The following MCCC1 variants were observed in gnomAD, a reference collection of about 807,000 sequenced individuals.
The protein encoded by MCCC1 is methylcrotonyl-CoA carboxylase subunit 1.
In MCCC1, 64 loss-of-function variants were observed where a neutral mutation model predicts 83.8. The ratio of observed to expected loss-of-function variants is 0.76; its 90% CI spans 0.62 to 0.94. The LOEUF is 0.94. Among genes scored for constraint, MCCC1 ranks in the 40% least tolerant of loss-of-function variants. The pLI is 0.00. For synonymous variants in MCCC1, 322 were observed against 315.4 expected, an observed-to-expected ratio of 1.02 and a Z score of -0.22; for missense variants, 807 against 904.7, an observed-to-expected ratio of 0.89 and a Z score of 1.39.
chr3:183,111,414 C>T (rs1335027928), intron 1 of MCCC1, among the ~76,000 whole-genome samples: 1 of 152,182 alleles, frequency 6.6e-6, no homozygotes, highest in Non-Finnish European at 1.5e-5. Context: ...ATTCTCCTGC[C>T]TCAGCCTCCC....
chr3:183,104,019 A>ACTC (rs1719366223), upstream of MCCC1, among the ~76,000 whole-genome samples: 1 of 152,068 alleles, frequency 6.6e-6, no homozygotes, highest in Admixed American at 6.5e-5. Flanking sequence ...CCGGGCCGGC[A>ACTC]GGGCCGGCCG....
chr3:183,097,471 C>T (rs192026988), intron 1 of MCCC1, among the ~76,000 whole-genome samples: 10 of 152,310 alleles, frequency 6.6e-5, no homozygotes, highest in East Asian at 1.9e-4. Flanking sequence ...TGGCTCACTA[C>T]GGCCTGGAAC....
rs1399603246 is a variant in MCCC1 at position 183,020,232 on chromosome 3, T to G, written c.1875A>C (p.Gly625=). The G allele has an allele frequency of 1.2e-6, 2 of 1,612,230 alleles. No individual in the cohort carries two copies. Among genetic ancestry groups the G allele is most frequent in the East Asian group, 4.5e-5 (2 of 44,866 alleles). ...ENTIYLFSKE[G]SIEIDIPVPK... is the part of the protein sequence containing the mutation. ...GGACTGGAATGTCAATCTCAATACT[T>G]CCTTCCTAGAAACAGAAAACAAACT... Residue 625 remains glycine (G), a synonymous_variant, in exon 17 of 19, where the codon GGA becomes GGC. Coordinates refer to ENST00000265594, the MANE Select transcript of MCCC1 (RefSeq NM_020166.5).
intron 11 of MCCC1, among the ~76,000 whole-genome samples, chr3:183,039,623 C>A (rs748056703): frequency 1.3e-4 from 20 of 152,152 alleles, no homozygotes; most frequent in Non-Finnish European, 2.4e-4. Flanking sequence ...AAACCAATGG[C>A]AGCTATCATC....
At chr3:183,033,000 G>A (rs944292271) in intron 14 of MCCC1, among the ~76,000 whole-genome samples, 7 of 152,162 alleles carry the variant, frequency 4.6e-5, no homozygotes, top group Non-Finnish European at 8.8e-5. Context: ...CTCTACCTGG[G>A]AGGCATATTT....
chr3:183,022,673 T>TA, intron 15 of MCCC1, 119 bp from the exon 16 acceptor site: 1 of 870,704 alleles, frequency 1.1e-6, no homozygotes, highest in South Asian at 1.8e-5. Context: ...CTTAAACATA[T>TA]ATAACATATA....
At chr3:183,090,683 G>C (rs961793891) in intron 3 of MCCC1, among the ~76,000 whole-genome samples, 1 of 151,818 alleles carries the variant, frequency 6.6e-6, no homozygotes, top group East Asian at 1.9e-4. Flanking sequence ...TCCGCCTCCC[G>C]GGTTCAAGCG....
At chr3:183,114,071 C>G (rs1576861626) in intron 1 of MCCC1, among the ~76,000 whole-genome samples, 1 of 152,174 alleles carries the variant, frequency 6.6e-6, no homozygotes, top group Admixed American at 6.5e-5. Flanking sequence ...CTTGTGCAAG[C>G]TGACTCCCAG....
intron 7 of MCCC1, among the ~76,000 whole-genome samples, chr3:183,058,524 A>C (rs1171774399): frequency 6.6e-6 from 1 of 152,130 alleles, no homozygotes; most frequent in East Asian, 1.9e-4. Context: ...CAGGAGGCTC[A>C]GGCAGGAGGA....
At chr3:183,085,417 C>A (rs998942923) in intron 4 of MCCC1, among the ~76,000 whole-genome samples, 2 of 151,900 alleles carry the variant, frequency 1.3e-5, no homozygotes, top group African/African-American at 4.8e-5. Flanking sequence ...ATCGCTTGAG[C>A]CTAGGAGTTC....
Position 183,019,462 on chromosome 3 carries a change from T to C in MCCC1, c.1977+668A>G, listed in dbSNP as rs144682346. On this transcript the variant is annotated intron_variant, in intron 17 of 18. Transcript: ENST00000265594. Reference sequence around the variant, plus strand: ...TGAAAGAGGCCTGAAGAGAGGTCCCTTGTCCCTTCCACCACGTGAGGACAC... The same window carrying C: ...TGAAAGAGGCCTGAAGAGAGGTCCCCTGTCCCTTCCACCACGTGAGGACAC... 4.5e-3 allele frequency among the ~76,000 whole-genome samples: 679 copies of C among 152,340 alleles called. 3 individuals are homozygous for C. The highest frequency in any genetic ancestry group is 0.016 in the African/African-American group (648 of 41,568).
At chr3:183,045,645 T>C in intron 9 of MCCC1, 105 bp from the exon 10 acceptor site, 2 of 1,172,676 alleles carry the variant, frequency 1.7e-6, no homozygotes, top group East Asian at 4.9e-5. Flanking sequence ...CTTCATTCAA[T>C]GGTAACACTT....
intron 4 of MCCC1, among the ~76,000 whole-genome samples, chr3:183,072,767 T>C (rs1283847223): frequency 3.9e-5 from 6 of 152,232 alleles, no homozygotes; most frequent in African/African-American, 1.2e-4. Context: ...TTCAGTGGCA[T>C]TAAGTACACT....
At chr3:183,072,105 T>A (rs556448540) in intron 5 of MCCC1, among the ~76,000 whole-genome samples, 44 of 152,030 alleles carry the variant, frequency 2.9e-4, no homozygotes, top group South Asian at 1.5e-3. Flanking sequence ...TGGGCTCAAG[T>A]GATCCTCCCA....
intron 1 of MCCC1, among the ~76,000 whole-genome samples, chr3:183,112,690 T>C (rs775445879): frequency 1.9e-4 from 29 of 152,306 alleles, no homozygotes; most frequent in East Asian, 7.7e-4. Context: ...TTTAATTTCA[T>C]CCATAAATAT....
intron 4 of MCCC1, among the ~76,000 whole-genome samples, chr3:183,086,365 G>C (rs1034911506): frequency 2.0e-5 from 3 of 152,144 alleles, no homozygotes; most frequent in Admixed American, 2.0e-4. Flanking sequence ...ATTTTACCTT[G>C]TAATTCAGAG....
At chr3:183,046,779 T>A (rs1203277920) in intron 9 of MCCC1, among the ~76,000 whole-genome samples, 2 of 152,166 alleles carry the variant, frequency 1.3e-5, no homozygotes, top group Non-Finnish European at 2.9e-5. Context: ...AGTAAAAAGC[T>A]GAACAAGCTG....
intron 3 of MCCC1, among the ~76,000 whole-genome samples, chr3:183,089,798 G>A (rs1718182793): frequency 6.6e-6 from 1 of 152,126 alleles, no homozygotes; most frequent in Non-Finnish European, 1.5e-5. Flanking sequence ...TGACATTATT[G>A]TTTTTATTAG....
At chr3:183,065,884 G>T (rs1486780773) in intron 7 of MCCC1, among the ~76,000 whole-genome samples, 2 of 152,156 alleles carry the variant, frequency 1.3e-5, no homozygotes, top group Non-Finnish European at 2.9e-5. Flanking sequence ...GGTTATAAAA[G>T]GTTTATGAGA....
Sources: gnomAD v4.1 joint callset for allele counts (sites outside exome capture counted in the v4.1 genomes callset) on GRCh38, gnomAD v4.1.1 for gene constraint, MANE v1.5 for transcripts, NCBI Gene and HGNC (gene_info 2026-07-23, HGNC 2026-07-21) for gene names.